ROBO1: variants seen among roughly 807,000 people sequenced by gnomAD.
ROBO1 encodes the protein roundabout homolog 1.
ROBO1 carries 149 observed loss-of-function variants against 195.9 expected under a neutral mutation model. The ratio of observed to expected loss-of-function variants is 0.76; its 90% CI spans 0.67 to 0.87. The LOEUF (loss-of-function observed/expected upper bound fraction) is 0.87, where lower values mean the gene tolerates loss of function less well. ROBO1 is among the 40% of genes least tolerant of loss of function. ROBO1 has a pLI of 0.00. For missense variants in ROBO1, 1,933 were observed against 2,068.3 expected, an observed-to-expected ratio of 0.93 and a Z score of 1.27; for synonymous variants, 816 against 733.2, an observed-to-expected ratio of 1.11 and a Z score of -1.82.
intron 1 of ROBO1, among the ~76,000 whole-genome samples, chr3:79,610,343 A>G (rs1944619031): frequency 6.9e-6 from 1 of 145,174 alleles, no homozygotes; most frequent in Admixed American, 7.3e-5. Context: ...TAATAATAAG[A>G]GTTAAGTGAA....
At chr3:79,216,666 G>T (rs1301069719) in intron 2 of ROBO1, among the ~76,000 whole-genome samples, 2 of 151,876 alleles carry the variant, frequency 1.3e-5, no homozygotes, top group Non-Finnish European at 2.9e-5. Flanking sequence ...ACATGATTTA[G>T]CTATTTTTTT....
intron 3 of ROBO1, among the ~76,000 whole-genome samples, chr3:79,053,432 CCA>C (rs1305757446): frequency 6.6e-6 from 1 of 151,936 alleles, no homozygotes; most frequent in African/African-American, 2.4e-5. Flanking sequence ...CAGCCTGGGA[CCA>C]TATATATGCT....
chr3:79,016,595 G>C (rs989395550), intron 3 of ROBO1, among the ~76,000 whole-genome samples: 1 of 152,126 alleles, frequency 6.6e-6, no homozygotes, highest in Non-Finnish European at 1.5e-5. Flanking sequence ...AGTGAAGACA[G>C]AACTTCCAAG....
chr3:79,468,812 T>C (rs549659939), intron 2 of ROBO1, among the ~76,000 whole-genome samples: 1 of 152,294 alleles, frequency 6.6e-6, no homozygotes, highest in East Asian at 1.9e-4. Context: ...AGGGAAGCTC[T>C]TAAACTTCTC....
intron 2 of ROBO1, among the ~76,000 whole-genome samples, chr3:79,530,926 C>T (rs1941636124): frequency 6.6e-6 from 1 of 151,974 alleles, no homozygotes; most frequent in African/African-American, 2.4e-5. Context: ...GGGACGTGAC[C>T]CCTTGCTCTG....
rs5850448 is a variant in ROBO1, at chr3:79,735,887, C to CA, written c.-51+31864dup. On this transcript the variant is annotated intron_variant, in intron 1 of 30. Transcript: ENST00000464233. The stretch of plus-strand genomic sequence containing the variant: ...CTCCGTCTCAAAAAAAAAAAAAAAA[C>CA]AAAAAAAAAACAAAAAATGCCTGAC... Among the ~76,000 whole-genome samples, 134 of 143,782 alleles carry CA rather than the reference C, an allele frequency of 9.3e-4. 2 individuals carry two copies. The East Asian group carries it at 0.016, about 17-fold the overall frequency. The allele number at this position is 143,782 out of a possible 152,430, so 94.3% of individuals were successfully genotyped here.
intron 2 of ROBO1, among the ~76,000 whole-genome samples, chr3:79,166,560 CTTTT>C (rs968334923): frequency 7.4e-6 from 1 of 135,106 alleles, no homozygotes; most frequent in Non-Finnish European, 1.6e-5. Context: ...TTCTATTTTT[CTTTT>C]TTTTTTTTTT....
chr3:79,391,122 CAAAA>C (rs952765742), intron 2 of ROBO1, among the ~76,000 whole-genome samples: 4 of 100,796 alleles, frequency 4.0e-5, no homozygotes, highest in Non-Finnish European at 4.3e-5. Context: ...CTGTCTCTAC[CAAAA>C]AAAAAAAAAA....
At chr3:79,490,523 A>G (rs144841665) in intron 2 of ROBO1, among the ~76,000 whole-genome samples, 13 of 152,340 alleles carry the variant, frequency 8.5e-5, no homozygotes, top group African/African-American at 2.4e-4. Flanking sequence ...AGAAGCCGAG[A>G]AGGAGGAAAT....
chr3:79,376,569 G>A (rs933596175), intron 2 of ROBO1, among the ~76,000 whole-genome samples: 5 of 152,106 alleles, frequency 3.3e-5, no homozygotes, highest in Non-Finnish European at 7.4e-5. Flanking sequence ...TAGTGAGTAA[G>A]TCTCAGAAGA....
At position 78,597,997 on chromosome 3, in the gene ROBO1, A is replaced by AAAAC. The variant is rs1702940706; in HGVS notation, c.*912_*915dup. The AAAAC allele has an allele frequency of 6.6e-6, 1 of 152,540 alleles. No individual in the cohort carries two copies. Among genetic ancestry groups the AAAAC allele is most frequent in the Non-Finnish European group, 1.5e-5 (1 of 67,998 alleles). 9.4% of individuals were successfully genotyped at this position (152,540 alleles called of 1,614,324 possible). ...GAGAGATTAAAAACAGTGCATTACA[A>AAAAC]AAACAAAAATCAAACTTCCTTAAGT... On this transcript the variant is annotated 3_prime_UTR_variant, in exon 31 of 31. Coordinates refer to ENST00000464233, the MANE Select transcript of ROBO1 (RefSeq NM_002941.4).
intron 8 of ROBO1, among the ~76,000 whole-genome samples, chr3:78,702,718 G>A (rs940688104): frequency 2.6e-5 from 4 of 152,126 alleles, no homozygotes; most frequent in Non-Finnish European, 5.9e-5. Flanking sequence ...TGTTGGTTTG[G>A]TTTCTAAATA....
intron 2 of ROBO1, among the ~76,000 whole-genome samples, chr3:79,314,156 C>T (rs1485757720): frequency 2.0e-5 from 3 of 152,136 alleles, no homozygotes; most frequent in Non-Finnish European, 4.4e-5. Flanking sequence ...ATCATCTTTA[C>T]TTGGATTTTG....
rs991868661 is a variant in ROBO1 at position 79,498,582 on chromosome 3, G to A, written c.88+91242C>T. Among the ~76,000 whole-genome samples the A allele has an allele frequency of 5.3e-5, 8 of 152,260 alleles. No homozygotes were observed. In the South Asian group the frequency reaches 1.2e-3, roughly 24 times the overall value. ...AAAAATATGATTTGTGGCCGGGCAC[G>A]GTGGCTCACGCCTGTAATCCCAGCA... On this transcript the variant is annotated intron_variant, in intron 2 of 30. Transcript: ENST00000464233.
intron 4 of ROBO1, among the ~76,000 whole-genome samples, chr3:78,813,248 AC>A (rs2084797749): frequency 1.2e-5 from 1 of 81,026 alleles, no homozygotes; most frequent in South Asian, 6.5e-4. Context: ...ACATGCACAC[AC>A]ACACACACAC....
At chr3:78,991,335 G>GACTA (rs754021416) in intron 3 of ROBO1, among the ~76,000 whole-genome samples, 18 of 152,202 alleles carry the variant, frequency 1.2e-4, no homozygotes, top group Non-Finnish European at 2.1e-4. Flanking sequence ...TCTGGAAAAT[G>GACTA]TAGAAGTGTG....
At chr3:79,448,227 A>T (rs890412190) in intron 2 of ROBO1, among the ~76,000 whole-genome samples, 4 of 152,202 alleles carry the variant, frequency 2.6e-5, no homozygotes, top group Non-Finnish European at 5.9e-5. Flanking sequence ...TGATTTCAAA[A>T]TTTGTGATTC....
At position 79,583,898 on chromosome 3, in the gene ROBO1, G is replaced by T. The variant is rs150167107; in HGVS notation, c.88+5926C>A. Among the ~76,000 whole-genome samples, 386 of 152,064 alleles carry T rather than the reference G, an allele frequency of 2.5e-3. 2 individuals carry two copies. The highest frequency in any genetic ancestry group is 9.0e-3 in the African/African-American group (372 of 41,520). ...TTCGGAGCAGAGCATTACCTTATCT[G>T]AAGAACATTTCTATTGACTCTAGAT... On this transcript the variant is annotated intron_variant, in intron 2 of 30. Coordinates refer to ENST00000464233, the MANE Select transcript of ROBO1 (RefSeq NM_002941.4).
chr3:78,950,046 C>G (rs2040686022), intron 3 of ROBO1, among the ~76,000 whole-genome samples: 1 of 152,150 alleles, frequency 6.6e-6, no homozygotes, highest in Non-Finnish European at 1.5e-5. Context: ...AATAGGAACA[C>G]TTTTCCACTG....
Sources: allele counts gnomAD v4.1 joint callset (sites outside exome capture counted in the v4.1 genomes callset), GRCh38; gene constraint gnomAD v4.1.1; transcripts MANE v1.5; gene names NCBI Gene and HGNC (gene_info 2026-07-23, HGNC 2026-07-21).